The following PDE1A variants were observed in gnomAD, a reference collection of about 807,000 sequenced individuals.
PDE1A encodes the protein dual specificity calcium/calmodulin-dependent 3',5'-cyclic nucleotide phosphodiesterase 1A.
A neutral mutation model predicts 61.7 loss-of-function variants in PDE1A; 35 were observed. The observed-to-expected ratio is 0.57, with a 90% confidence interval of 0.43 to 0.75. The LOEUF (loss-of-function observed/expected upper bound fraction) is 0.75, where lower values mean the gene tolerates loss of function less well. Ranked by LOEUF, PDE1A falls within the 30% of genes least tolerant of loss-of-function variation. The probability of loss-of-function intolerance (pLI) is 0.00; values close to 1 mark genes in which losing one functional copy is unlikely to be tolerated. For missense variants in PDE1A, 597 were observed against 630.6 expected, an observed-to-expected ratio of 0.95 and a Z score of 0.57; for synonymous variants, 232 against 213.2, an observed-to-expected ratio of 1.09 and a Z score of -0.77.
At chr2:182,481,106 G>A (rs1470360900) in intron 2 of PDE1A, among the ~76,000 whole-genome samples, 1 of 151,842 alleles carries the variant, frequency 6.6e-6, no homozygotes, top group African/African-American at 2.4e-5. Flanking sequence ...TAAACTGGAT[G>A]AAGTTTTAAA....
At chr2:182,252,287 A>T (rs1329135374) in intron 2 of PDE1A, among the ~76,000 whole-genome samples, 1 of 152,150 alleles carries the variant, frequency 6.6e-6, no homozygotes, top group Non-Finnish European at 1.5e-5. Context: ...TGTTTAATGT[A>T]GAAAAAGATA....
chr2:182,710,798 A>G, the PDE1A span, among the ~76,000 whole-genome samples: 1 of 152,162 alleles, frequency 6.6e-6, no homozygotes, highest in Non-Finnish European at 1.5e-5. Context: ...GCTCTTGTGA[A>G]TATTGCTGCA....
At chr2:182,490,131 GA>G (rs1688286175) in intron 2 of PDE1A, among the ~76,000 whole-genome samples, 1 of 152,332 alleles carries the variant, frequency 6.6e-6, no homozygotes, top group East Asian at 1.9e-4. Context: ...TGGGCCAAGA[GA>G]GATAAAGATG....
At chr2:182,463,017 G>A (rs1686408921) in intron 2 of PDE1A, among the ~76,000 whole-genome samples, 1 of 152,020 alleles carries the variant, frequency 6.6e-6, no homozygotes, top group Non-Finnish European at 1.5e-5. Flanking sequence ...AAGGCAGGAG[G>A]ATCACTTGAG....
chr2:182,613,301 C>T, the PDE1A span, among the ~76,000 whole-genome samples: 8 of 152,274 alleles, frequency 5.3e-5, no homozygotes, highest in Non-Finnish European at 7.4e-5. Flanking sequence ...GTGGCTCACG[C>T]CTGTAATCCC....
chr2:182,522,371 C>A (rs1395925502), exon 2 of PDE1A: 4 of 1,613,188 alleles, frequency 2.5e-6, no homozygotes, highest in Non-Finnish European at 1.7e-6. Context: ...TGGCACTAGA[C>A]CCCATGATGA....
the PDE1A span, among the ~76,000 whole-genome samples, chr2:182,580,488 A>AT: frequency 6.6e-6 from 1 of 152,006 alleles, no homozygotes; most frequent in African/African-American, 2.4e-5. Flanking sequence ...TGCTCACTTC[A>AT]TTTTATCTCT....
chr2:182,273,599 A>G (rs776620806), intron 1 of PDE1A, among the ~76,000 whole-genome samples: 13 of 152,148 alleles, frequency 8.5e-5, no homozygotes, highest in Non-Finnish European at 1.5e-4. Context: ...AAAGAGAAAG[A>G]GAAATATGAT....
At chr2:182,544,539 T>A in the PDE1A span, among the ~76,000 whole-genome samples, 1 of 152,204 alleles carries the variant, frequency 6.6e-6, no homozygotes, top group Non-Finnish European at 1.5e-5. Context: ...ATGTGGCACC[T>A]GCTCTGGTGA....
the PDE1A span, among the ~76,000 whole-genome samples, chr2:182,698,586 GAGC>G: frequency 1.3e-5 from 2 of 152,094 alleles, no homozygotes; most frequent in African/African-American, 4.8e-5. Context: ...TGAATAGAAT[GAGC>G]AGAATAAAAA....
intron 1 of PDE1A, among the ~76,000 whole-genome samples, chr2:182,338,022 C>T (rs1025995441): frequency 3.9e-5 from 6 of 152,136 alleles, no homozygotes; most frequent in African/African-American, 1.4e-4. Context: ...TTCAGCAAGA[C>T]CTGCACACTA....
chr2:182,185,480 GA>G (rs1274629572), intron 13 of PDE1A, among the ~76,000 whole-genome samples: 1 of 151,620 alleles, frequency 6.6e-6, no homozygotes. Flanking sequence ...TAGTGAAACA[GA>G]AAAAAAACAC....
chr2:182,637,747 C>T, the PDE1A span, among the ~76,000 whole-genome samples: 1 of 151,926 alleles, frequency 6.6e-6, no homozygotes, highest in Non-Finnish European at 1.5e-5. Flanking sequence ...GTGATGAAAC[C>T]CCATCTCTAC....
chr2:182,295,565 T>C (rs1007162941), intron 1 of PDE1A, among the ~76,000 whole-genome samples: 1 of 152,174 alleles, frequency 6.6e-6, no homozygotes, highest in African/African-American at 2.4e-5. Flanking sequence ...AGGCCCTGAA[T>C]GGTATCTACG....
At chr2:182,229,009 G>A (rs970508106) in intron 6 of PDE1A, among the ~76,000 whole-genome samples, 5 of 152,204 alleles carry the variant, frequency 3.3e-5, no homozygotes, top group Admixed American at 6.6e-5. Flanking sequence ...AAGTTGGAAC[G>A]GCTTATTTGG....
intron 1 of PDE1A, among the ~76,000 whole-genome samples, chr2:182,367,018 C>A (rs1012959490): frequency 1.3e-5 from 2 of 151,976 alleles, no homozygotes; most frequent in Non-Finnish European, 2.9e-5. Context: ...TACTTCTTGA[C>A]CATCTTTCTT....
At chr2:182,608,335 C>T in the PDE1A span, among the ~76,000 whole-genome samples, 1 of 152,238 alleles carries the variant, frequency 6.6e-6, no homozygotes, top group East Asian at 1.9e-4. Flanking sequence ...CACCCGGGCT[C>T]GCTCTCGGCG....
At chr2:182,281,386 T>C (rs1406205762) in intron 1 of PDE1A, among the ~76,000 whole-genome samples, 1 of 151,968 alleles carries the variant, frequency 6.6e-6, no homozygotes, top group Non-Finnish European at 1.5e-5. Context: ...TCAAAGAAAC[T>C]GCTTAAAACA....
chr2:182,534,817 G>C, the PDE1A span, among the ~76,000 whole-genome samples: 1 of 151,320 alleles, frequency 6.6e-6, no homozygotes, highest in Non-Finnish European at 1.5e-5. Context: ...TCGTCTCTTT[G>C]TTTCTGCTGT....
Sources: gnomAD v4.1 joint callset for allele counts (sites outside exome capture counted in the v4.1 genomes callset) on GRCh38, gnomAD v4.1.1 for gene constraint, MANE v1.5 for transcripts, NCBI Gene and HGNC (gene_info 2026-07-23, HGNC 2026-07-21) for gene names.